RALYL: variants seen among roughly 807,000 people sequenced by gnomAD.
RALYL encodes the protein RNA-binding Raly-like protein.
In RALYL, 29 loss-of-function variants were observed where a neutral mutation model predicts 35.1. That is an observed-to-expected ratio of 0.83 (90% CI 0.61 to 1.13). The LOEUF (loss-of-function observed/expected upper bound fraction) is 1.13. RALYL is among the 50% of genes most tolerant of loss of function. RALYL has a pLI of 0.00. For missense variants in RALYL, 359 were observed against 360.4 expected, an observed-to-expected ratio of 1.00 and a Z score of 0.03; for synonymous variants, 120 against 127.6, an observed-to-expected ratio of 0.94 and a Z score of 0.40.
intron 2 of RALYL, among the ~76,000 whole-genome samples, chr8:84,766,287 A>G (rs1813936469): frequency 6.6e-6 from 1 of 152,162 alleles, no homozygotes. Flanking sequence ...AGTTAAATGC[A>G]AGTGAATCTT....
At chr8:84,284,916 G>T (rs968768412) in intron 1 of RALYL, among the ~76,000 whole-genome samples, 1 of 152,146 alleles carries the variant, frequency 6.6e-6, no homozygotes, top group Non-Finnish European at 1.5e-5. Context: ...AATGCTGAAA[G>T]CATATTAAAC....
intron 3 of RALYL, among the ~76,000 whole-genome samples, chr8:84,776,291 G>A (rs557615197): frequency 6.6e-6 from 1 of 152,194 alleles, no homozygotes; most frequent in South Asian, 2.1e-4. Flanking sequence ...GTCATGCCTA[G>A]TACCCCAGGG....
chr8:84,402,652 T>C lies in RALYL; in HGVS notation c.-23-126647T>C, dbSNP rs74966613. 4.2e-3 allele frequency among the ~76,000 whole-genome samples: 638 copies of C among 152,264 alleles called. 3 individuals carry two copies. Among genetic ancestry groups the C allele is most frequent in the Non-Finnish European group, 7.4e-3 (501 of 68,002 alleles). On this transcript the variant is annotated intron_variant, in intron 1 of 8. Coordinates refer to ENST00000521268, the MANE Select transcript of RALYL (RefSeq NM_173848.7). The stretch of plus-strand genomic sequence containing the variant: ...TAGAAAATCCTTGACTCCTGCCATA[T>C]GTCAGTAGTGAAAATAGACCCTTCC...
At chr8:84,645,871 T>C (rs1369469093) in intron 2 of RALYL, among the ~76,000 whole-genome samples, 2 of 152,110 alleles carry the variant, frequency 1.3e-5, no homozygotes, top group African/African-American at 4.8e-5. Context: ...CTCATGCTTT[T>C]GTACCTTGTC....
chr8:84,595,772 T>C (rs1420459373), intron 2 of RALYL, among the ~76,000 whole-genome samples: 1 of 145,194 alleles, frequency 6.9e-6, no homozygotes, highest in Non-Finnish European at 1.5e-5. Context: ...AGTTTTTTTT[T>C]TTTTTTTTTT....
intron 2 of RALYL, among the ~76,000 whole-genome samples, chr8:84,643,103 A>G (rs865859311): frequency 5.3e-5 from 8 of 151,972 alleles, no homozygotes; most frequent in Admixed American, 5.3e-4. Flanking sequence ...ACACTCACAC[A>G]TACAAACAAG....
rs1323318471 is a variant in RALYL at position 84,184,255 on chromosome 8, C to A, written c.-193C>A. On this transcript the variant is annotated 5_prime_UTR_variant, in exon 1 of 9. Transcript: ENST00000521268. The stretch of plus-strand genomic sequence containing the variant: ...ACCGAGATAATTTTATGATAGATAT[C>A]CTGATATCTATATCTATATTGTCCC... 1 of 152,158 alleles carries A rather than the reference C, an allele frequency of 6.6e-6. No individual in the cohort carries two copies. Among genetic ancestry groups the A allele is most frequent in the Non-Finnish European group, 1.5e-5 (1 of 68,010 alleles). 9.4% of individuals were successfully genotyped at this position (152,158 alleles called of 1,614,324 possible).
At chr8:84,386,818 A>G (rs1320039336) in intron 1 of RALYL, among the ~76,000 whole-genome samples, 1 of 151,798 alleles carries the variant, frequency 6.6e-6, no homozygotes, top group Admixed American at 6.6e-5. Flanking sequence ...TTCACTTCCT[A>G]TACTTCAGCA....
chr8:84,319,692 A>G (rs1844435379), intron 1 of RALYL, among the ~76,000 whole-genome samples: 1 of 152,094 alleles, frequency 6.6e-6, no homozygotes, highest in Non-Finnish European at 1.5e-5. Context: ...GCTTTCATTA[A>G]TGATTCTTGA....
chr8:84,910,178 A>G (rs998057871), intron 8 of RALYL, among the ~76,000 whole-genome samples: 9 of 152,170 alleles, frequency 5.9e-5, no homozygotes, highest in Admixed American at 2.0e-4. Context: ...ACTTGCAATT[A>G]CAATCAAACA....
chr8:84,420,644 T>C (rs879365317), intron 1 of RALYL, among the ~76,000 whole-genome samples: 94 of 132,124 alleles, frequency 7.1e-4, no homozygotes, highest in Admixed American at 5.9e-3. Context: ...TGAATGGTAA[T>C]GCCTAGGTTT....
chr8:84,407,018 CTATATATA>C lies in RALYL; in HGVS notation c.-23-122270_-23-122263del, dbSNP rs5892918. On this transcript the variant is annotated intron_variant, in intron 1 of 8. Coordinates refer to ENST00000521268, the MANE Select transcript of RALYL (RefSeq NM_173848.7). ...TCTCTCTCCCTCTCTCTCTCTCTCT[CTATATATA>C]TATATATATACACACACACACTCAC... Among the ~76,000 whole-genome samples, 220 of 148,180 alleles carry C rather than the reference CTATATATA, an allele frequency of 1.5e-3. 1 individual carries two copies. Among genetic ancestry groups the C allele is most frequent in the African/African-American group, 5.4e-3 (212 of 39,600 alleles).
chr8:84,791,973 C>T (rs1364750893), intron 3 of RALYL, among the ~76,000 whole-genome samples: 1 of 152,108 alleles, frequency 6.6e-6, no homozygotes, highest in African/African-American at 2.4e-5. Flanking sequence ...TGTGTGCACT[C>T]AAACCCCTTA....
chr8:84,886,590 G>A (rs1842946923), intron 7 of RALYL, among the ~76,000 whole-genome samples: 1 of 152,078 alleles, frequency 6.6e-6, no homozygotes, highest in Admixed American at 6.6e-5. Context: ...TGAACACATG[G>A]GAATAAGTTA....
chr8:84,914,483 T>C (rs1848115353), intron 8 of RALYL, among the ~76,000 whole-genome samples: 2 of 152,044 alleles, frequency 1.3e-5, no homozygotes, highest in Non-Finnish European at 2.9e-5. Context: ...ACAATCATCA[T>C]TATCTTCAGA....
intron 1 of RALYL, among the ~76,000 whole-genome samples, chr8:84,381,526 A>G (rs983815516): frequency 7.3e-5 from 11 of 151,712 alleles, no homozygotes; most frequent in Non-Finnish European, 1.3e-4. Flanking sequence ...TACCATTTTC[A>G]TATTTTCTGT....
intron 2 of RALYL, among the ~76,000 whole-genome samples, chr8:84,636,712 C>T (rs1825138229): frequency 6.6e-6 from 1 of 151,838 alleles, no homozygotes; most frequent in African/African-American, 2.4e-5. Context: ...CTATTCCACA[C>T]TTACTTTTAG....
chr8:84,483,183 G>C (rs711027), intron 1 of RALYL, among the ~76,000 whole-genome samples: 78,025 of 151,798 alleles, frequency 0.51, 20,140 homozygotes, highest in East Asian at 0.66. Flanking sequence ...GCAAATTGCA[G>C]TGTTACCTCT....
chr8:84,663,020 T>A (rs997308053), intron 2 of RALYL, among the ~76,000 whole-genome samples: 1 of 152,068 alleles, frequency 6.6e-6, no homozygotes, highest in South Asian at 2.1e-4. Context: ...TGTGGGTTAC[T>A]CTCCTCCCTG....
Sources: gnomAD v4.1 joint callset for allele counts (sites outside exome capture counted in the v4.1 genomes callset) on GRCh38, gnomAD v4.1.1 for gene constraint, MANE v1.5 for transcripts, NCBI Gene and HGNC (gene_info 2026-07-23, HGNC 2026-07-21) for gene names.